NALCN: variants seen among roughly 807,000 people sequenced by gnomAD.
The protein encoded by NALCN is sodium leak channel NALCN.
A neutral mutation model predicts 225.3 loss-of-function variants in NALCN; 111 were observed. The observed-to-expected ratio is 0.49, with a 90% CI of 0.42 to 0.58. The LOEUF is 0.58. NALCN is among the 20% of genes least tolerant of loss of function. The pLI is 0.00. For missense variants in NALCN, 1,378 were observed against 2,202.4 expected (o/e 0.63, Z 7.49); for synonymous variants, 764 against 769.0 (o/e 0.99, Z 0.11).
chr13:101,321,735 T>C (rs969118526), intron 7 of NALCN, among the ~76,000 whole-genome samples: 2 of 152,116 alleles, frequency 1.3e-5, no homozygotes, highest in African/African-American at 4.8e-5. Flanking sequence ...TTCATATAAA[T>C]AATATGTAAA....
intron 6 of NALCN, among the ~76,000 whole-genome samples, chr13:101,360,731 A>G (rs547087245): frequency 2.0e-4 from 31 of 152,276 alleles, no homozygotes; most frequent in African/African-American, 7.2e-4. Flanking sequence ...AATAAATAAA[A>G]TTGAGATGGT....
At chr13:101,068,592 A>G in intron 38 of NALCN, 103 bp downstream of exon 38, 1 of 1,227,990 alleles carries the variant, frequency 8.1e-7, no homozygotes, top group Non-Finnish European at 1.1e-6. Context: ...AATGCCATGA[A>G]ACACCCACCC....
At chr13:101,189,351 A>T (rs1012568319) in intron 14 of NALCN, among the ~76,000 whole-genome samples, 9 of 152,218 alleles carry the variant, frequency 5.9e-5, no homozygotes, top group Non-Finnish European at 8.8e-5. Context: ...TAAATTAAAA[A>T]TATCTGAACA....
chr13:101,299,426 T>TG (rs1303999466), intron 7 of NALCN, among the ~76,000 whole-genome samples: 1 of 151,512 alleles, frequency 6.6e-6, no homozygotes, highest in Non-Finnish European at 1.5e-5. Context: ...ACAGGGTTTT[T>TG]TTTGTTTGTT....
chr13:101,116,737 G>A (rs1283502932), intron 18 of NALCN: 9 of 365,010 alleles, frequency 2.5e-5, no homozygotes, highest in Non-Finnish European at 3.2e-5. Context: ...TACATTTGAG[G>A]GATTTTGCTC....
chr13:101,362,862 G>A (rs1360906939), intron 6 of NALCN, among the ~76,000 whole-genome samples: 1 of 151,992 alleles, frequency 6.6e-6, no homozygotes, highest in Non-Finnish European at 1.5e-5. Context: ...ACCAAAAACT[G>A]TTAGAAATGA....
chr13:101,308,933 C>G (rs2044246431), intron 7 of NALCN, among the ~76,000 whole-genome samples: 1 of 152,054 alleles, frequency 6.6e-6, no homozygotes, highest in African/African-American at 2.4e-5. Flanking sequence ...GAACTCCACC[C>G]ATAGATCTAA....
At position 101,387,528 on chromosome 13, in the gene NALCN, C is replaced by T. The variant is rs376471493; in HGVS notation, c.291+7655G>A. On this transcript the variant is annotated intron_variant, in intron 3 of 43. Coordinates refer to ENST00000251127, the MANE Select transcript of NALCN (RefSeq NM_052867.4). Reference sequence around the variant, plus strand: ...GTTCCTATTTATGTATGAAAAAATACAAGCTTAAATGTTAGTGAGAAAATG... The same window carrying T: ...GTTCCTATTTATGTATGAAAAAATATAAGCTTAAATGTTAGTGAGAAAATG... Among the ~76,000 whole-genome samples the T allele has an allele frequency of 1.1e-4, 17 of 152,122 alleles. No homozygotes were observed. In the East Asian group the frequency reaches 2.1e-3, roughly 19 times the overall value.
At chr13:101,060,079 A>AATTT (rs1187362547) in intron 41 of NALCN, 112 bp from the exon 42 acceptor site, 6 of 1,182,834 alleles carry the variant, frequency 5.1e-6, no homozygotes, top group Non-Finnish European at 5.9e-6. Flanking sequence ...ATGACGGGTG[A>AATTT]CCTCTTAGGA....
chr13:101,378,564 A>G lies in NALCN; in HGVS notation c.375+6T>C. On this transcript the variant is annotated splice_donor_region_variant and intron_variant, in intron 4 of 43. Coordinates refer to ENST00000251127, the MANE Select transcript of NALCN (RefSeq NM_052867.4). ...CCTGCTTGTAATTTAAAAAATATTT[A>G]ATTACCTGTAGCACCAAAGAAACCC... The G allele has an allele frequency of 6.3e-7, 1 of 1,589,310 alleles. No individual in the cohort carries two copies. Among genetic ancestry groups the G allele is most frequent in the East Asian group, 2.3e-5 (1 of 44,438 alleles).
intron 10 of NALCN, among the ~76,000 whole-genome samples, chr13:101,271,943 T>G (rs2042797005): frequency 6.6e-6 from 1 of 151,638 alleles, no homozygotes; most frequent in South Asian, 2.1e-4. Flanking sequence ...GTGTGAAGTG[T>G]GTGTGCATGA....
chr13:101,166,017 G>C (rs1488256962), intron 15 of NALCN, among the ~76,000 whole-genome samples: 1 of 152,132 alleles, frequency 6.6e-6, no homozygotes, highest in African/African-American at 2.4e-5. Flanking sequence ...TTTTGTGACT[G>C]GCTTATTTCA....
chr13:101,142,016 G>C (rs1449557347), intron 17 of NALCN, among the ~76,000 whole-genome samples: 1 of 151,638 alleles, frequency 6.6e-6, no homozygotes, highest in Non-Finnish European at 1.5e-5. Flanking sequence ...TTGATTATGT[G>C]ACCAAGCTGA....
intron 12 of NALCN, among the ~76,000 whole-genome samples, chr13:101,235,934 T>C (rs1340902236): frequency 1.3e-5 from 2 of 152,200 alleles, no homozygotes; most frequent in South Asian, 2.1e-4. Context: ...ATAAAATCAA[T>C]AAAGTTGCAA....
At chr13:101,386,084 T>C (rs374465230) in intron 3 of NALCN, among the ~76,000 whole-genome samples, 3 of 152,180 alleles carry the variant, frequency 2.0e-5, no homozygotes, top group Admixed American at 6.6e-5. Context: ...GTTGGGCACA[T>C]ATAAAACATC....
intron 15 of NALCN, among the ~76,000 whole-genome samples, chr13:101,156,584 G>A (rs896744533): frequency 6.6e-6 from 1 of 151,888 alleles, no homozygotes; most frequent in Admixed American, 6.6e-5. Context: ...CTTAAAATAA[G>A]CTGAGTTCTT....
Position 101,113,680 on chromosome 13 carries a change from C to T in NALCN, c.2193-2454G>A, listed in dbSNP as rs190972875. 4.6e-3 allele frequency among the ~76,000 whole-genome samples: 704 copies of T among 152,186 alleles called. 6 individuals carry two copies. The highest frequency in any genetic ancestry group is 0.02 in the South Asian group (94 of 4,818). On this transcript the variant is annotated intron_variant, in intron 18 of 43. Transcript: ENST00000251127. ...ATACCAAATAGTGTTTTAACATGCA[C>T]AGTATAATGACAGACTGATATAAAT...
At chr13:101,342,307 T>G (rs2045582167) in intron 7 of NALCN, among the ~76,000 whole-genome samples, 1 of 152,170 alleles carries the variant, frequency 6.6e-6, no homozygotes, top group Non-Finnish European at 1.5e-5. Flanking sequence ...TCTGTTTGTT[T>G]TAAAAGGTTC....
At chr13:101,084,533 G>A (rs774790400) in intron 30 of NALCN, among the ~76,000 whole-genome samples, 4 of 152,016 alleles carry the variant, frequency 2.6e-5, no homozygotes, top group Admixed American at 1.3e-4. Context: ...TTGTGCTTAC[G>A]CATGAATCAA....
Sources: gnomAD v4.1 joint callset for allele counts (sites outside exome capture counted in the v4.1 genomes callset) on GRCh38, gnomAD v4.1.1 for gene constraint, MANE v1.5 for transcripts, NCBI Gene and HGNC (gene_info 2026-07-23, HGNC 2026-07-21) for gene names.